The following SYT1 variants were observed in gnomAD, a reference collection of about 807,000 sequenced individuals.
SYT1 encodes synaptotagmin 1, also known as synaptotagmin-1.
In SYT1, 8 loss-of-function variants were observed where a neutral mutation model predicts 44.8. That is an observed-to-expected ratio of 0.18 (90% CI 0.10 to 0.32). The LOEUF is 0.32. Ranked by LOEUF, SYT1 falls within the 10% of genes least tolerant of loss-of-function variation. The pLI, the probability that SYT1 is intolerant of heterozygous loss-of-function variation, is 1.00. For synonymous variants in SYT1, 154 were observed against 188.8 expected, an observed-to-expected ratio of 0.82 and a Z score of 1.51; for missense variants, 286 against 509.3, an observed-to-expected ratio of 0.56 and a Z score of 4.22.
intron 8 of SYT1, among the ~76,000 whole-genome samples, chr12:79,320,432 A>G (rs1881298487): frequency 6.6e-6 from 1 of 152,134 alleles, no homozygotes; most frequent in Non-Finnish European, 1.5e-5. Flanking sequence ...TTTTTATGTC[A>G]TCTTCATAGG....
chr12:78,962,835 C>A (rs1313554353), intron 1 of SYT1, among the ~76,000 whole-genome samples: 1 of 152,042 alleles, frequency 6.6e-6, no homozygotes, highest in South Asian at 2.1e-4. Context: ...TAGAATTGCC[C>A]ACCCGGCTTA....
At chr12:79,425,275 G>A (rs1321534510) in intron 9 of SYT1, among the ~76,000 whole-genome samples, 1 of 152,008 alleles carries the variant, frequency 6.6e-6, no homozygotes, top group South Asian at 2.1e-4. Context: ...CAAAGTGCTG[G>A]ATAATCGATG....
At chr12:79,154,389 AG>A (rs1870462979) in intron 3 of SYT1, among the ~76,000 whole-genome samples, 2 of 151,806 alleles carry the variant, frequency 1.3e-5, no homozygotes, top group African/African-American at 4.8e-5. Context: ...TCTATGACAT[AG>A]GTACGTTTTT....
chr12:79,370,749 C>T (rs990556054), intron 9 of SYT1, among the ~76,000 whole-genome samples: 1 of 151,150 alleles, frequency 6.6e-6, no homozygotes, highest in Non-Finnish European at 1.5e-5. Context: ...GGCGACAGAG[C>T]GATATTCCGT....
chr12:79,119,166 C>G lies in SYT1; in HGVS notation c.-18+71804C>G, dbSNP rs117092859. Among the ~76,000 whole-genome samples, 1,018 of 152,308 alleles carry G rather than the reference C, an allele frequency of 6.7e-3. 6 individuals are homozygous for G. Among genetic ancestry groups the G allele is most frequent in the Non-Finnish European group, 0.011 (717 of 68,016 alleles). On this transcript the variant is annotated intron_variant, in intron 3 of 10. Coordinates refer to ENST00000261205, the MANE Select transcript of SYT1 (RefSeq NM_005639.3). ...CTGTCCTCTCCACTCTCACTAACTTCTTATTGTGTCTATCATCATATCCTG... is the reference window on the plus strand; with the variant it reads ...CTGTCCTCTCCACTCTCACTAACTTGTTATTGTGTCTATCATCATATCCTG...
chr12:78,902,233 A>C (rs1431656518), intron 1 of SYT1, among the ~76,000 whole-genome samples: 2 of 147,854 alleles, frequency 1.4e-5, no homozygotes, highest in Non-Finnish European at 3.0e-5. Context: ...GATTATGCTG[A>C]TCATATAATC....
intron 1 of SYT1, among the ~76,000 whole-genome samples, chr12:78,948,479 A>G (rs1309921311): frequency 1.3e-5 from 2 of 152,024 alleles, no homozygotes; most frequent in African/African-American, 4.8e-5. Context: ...CATGATACAG[A>G]TATAATACAC....
intron 1 of SYT1, among the ~76,000 whole-genome samples, chr12:78,933,793 C>T (rs987009710): frequency 2.0e-5 from 3 of 151,734 alleles, no homozygotes; most frequent in Non-Finnish European, 4.4e-5. Flanking sequence ...CTTGTTTTAC[C>T]TCATCAAGAG....
At chr12:79,163,885 T>A (rs1871095931) in intron 3 of SYT1, among the ~76,000 whole-genome samples, 1 of 152,100 alleles carries the variant, frequency 6.6e-6, no homozygotes, top group Non-Finnish European at 1.5e-5. Context: ...TTTTTCTCAT[T>A]GTTTGTTAAG....
At chr12:78,962,411 T>G (rs1447646218) in intron 1 of SYT1, among the ~76,000 whole-genome samples, 1 of 151,832 alleles carries the variant, frequency 6.6e-6, no homozygotes, top group Non-Finnish European at 1.5e-5. Flanking sequence ...TTTTCTCTTG[T>G]GCAAACTTAT....
chr12:79,116,762 A>G (rs1240937505), intron 3 of SYT1, among the ~76,000 whole-genome samples: 1 of 152,200 alleles, frequency 6.6e-6, no homozygotes, highest in Non-Finnish European at 1.5e-5. Context: ...GTATTCTGTC[A>G]CTTTCTGCTA....
intron 2 of SYT1, among the ~76,000 whole-genome samples, chr12:79,003,213 T>C (rs1870855969): frequency 1.3e-5 from 2 of 152,020 alleles, no homozygotes; most frequent in South Asian, 4.1e-4. Flanking sequence ...TTTGATCCAG[T>C]GATTGGTATC....
At position 79,045,296 on chromosome 12, in the gene SYT1, G is replaced by C. The variant is rs989380594; in HGVS notation, c.-83-2001G>C. On this transcript the variant is annotated intron_variant, in intron 2 of 10. Transcript: ENST00000261205. ...AGACTACGTGGGCGTAGGACCCGCC[G>C]AGCCAGGTGCGGGATATAATCTCGT... Among the ~76,000 whole-genome samples, 17 of 152,334 alleles carry C rather than the reference G, an allele frequency of 1.1e-4. No homozygotes were observed. The East Asian group carries it at 1.7e-3, about 16-fold the overall frequency.
chr12:79,207,636 G>C (rs978588947), intron 3 of SYT1, among the ~76,000 whole-genome samples: 2 of 151,940 alleles, frequency 1.3e-5, no homozygotes, highest in Non-Finnish European at 2.9e-5. Flanking sequence ...TTTAAAAAAA[G>C]AAAAAAGATA....
intron 3 of SYT1, among the ~76,000 whole-genome samples, chr12:79,177,058 T>TC (rs397816816): frequency 1.3e-5 from 2 of 148,878 alleles, no homozygotes; most frequent in African/African-American, 5.0e-5. Context: ...TGTTTTTTTT[T>TC]ATTATACTCT....
chr12:79,167,064 G>A (rs181604351), intron 3 of SYT1, among the ~76,000 whole-genome samples: 65 of 152,090 alleles, frequency 4.3e-4, no homozygotes, highest in African/African-American at 1.5e-3. Context: ...TATGGCATAA[G>A]TAAAGGAATG....
At chr12:78,922,333 G>A (rs1031635398) in intron 1 of SYT1, among the ~76,000 whole-genome samples, 2 of 151,868 alleles carry the variant, frequency 1.3e-5, no homozygotes, top group African/African-American at 2.4e-5. Context: ...AGGACTTGGA[G>A]TTGCAAGACC....
intron 9 of SYT1, among the ~76,000 whole-genome samples, chr12:79,368,461 A>G (rs1033202322): frequency 6.6e-5 from 10 of 151,250 alleles, no homozygotes; most frequent in African/African-American, 2.4e-4. Context: ...TAGATCCCTG[A>G]GGAATTGCCA....
chr12:79,173,534 A>T (rs1488180539), intron 3 of SYT1, among the ~76,000 whole-genome samples: 1 of 152,096 alleles, frequency 6.6e-6, no homozygotes, highest in Non-Finnish European at 1.5e-5. Flanking sequence ...AAGAGTAAAA[A>T]TAAGTGTTCC....
Sources: allele counts gnomAD v4.1 joint callset (sites outside exome capture counted in the v4.1 genomes callset), GRCh38; gene constraint gnomAD v4.1.1; transcripts MANE v1.5; gene names NCBI Gene and HGNC (gene_info 2026-07-23, HGNC 2026-07-21).